The following MECOM variants were observed in gnomAD, a reference collection of about 807,000 sequenced individuals.
MECOM encodes MDS1 and EVI1 complex locus.
In MECOM, 13 loss-of-function variants were observed where a neutral mutation model predicts 116.3. The ratio of observed to expected loss-of-function variants is 0.11; its 90% CI spans 0.07 to 0.18. MECOM has a LOEUF of 0.18. Among genes scored for constraint, MECOM ranks in the 10% least tolerant of loss-of-function variants. MECOM has a pLI of 1.00. For synonymous variants in MECOM, 528 were observed against 535.2 expected (o/e 0.99, Z 0.19); for missense variants, 1,299 against 1,509.0 (o/e 0.86, Z 2.31).
chr3:169,253,777 A>G (rs1406000964), intron 2 of MECOM, among the ~76,000 whole-genome samples: 1 of 152,162 alleles, frequency 6.6e-6, no homozygotes, highest in Non-Finnish European at 1.5e-5. Context: ...AAATGCATTT[A>G]GAAAAGGAAC....
chr3:169,423,254 G>A (rs755432435), intron 1 of MECOM, among the ~76,000 whole-genome samples: 1 of 152,004 alleles, frequency 6.6e-6, no homozygotes, highest in Non-Finnish European at 1.5e-5. Flanking sequence ...GTTTCTCAAA[G>A]GAAGATTTCA....
intron 2 of MECOM, among the ~76,000 whole-genome samples, chr3:169,377,171 AT>A (rs1731181479): frequency 6.6e-6 from 1 of 152,206 alleles, no homozygotes; most frequent in Admixed American, 6.5e-5. Context: ...CTATACAAAA[AT>A]TAACTCAAGA....
intron 1 of MECOM, among the ~76,000 whole-genome samples, chr3:169,413,180 G>T (rs1009664916): frequency 6.6e-6 from 1 of 152,210 alleles, no homozygotes; most frequent in Non-Finnish European, 1.5e-5. Context: ...GGACTGGTTA[G>T]ACAGTGGTTG....
intron 2 of MECOM, among the ~76,000 whole-genome samples, chr3:169,380,140 AT>A (rs1411421671): frequency 2.0e-5 from 3 of 152,172 alleles, no homozygotes; most frequent in Non-Finnish European, 2.9e-5. Flanking sequence ...CTGAATATTC[AT>A]TTCTATTTAA....
intron 1 of MECOM, among the ~76,000 whole-genome samples, chr3:169,622,791 A>G (rs1237466744): frequency 6.6e-6 from 1 of 152,238 alleles, no homozygotes; most frequent in Non-Finnish European, 1.5e-5. Flanking sequence ...GAACTCTCAG[A>G]TAGTATAATA....
chr3:169,329,143 T>G (rs1387496893), intron 2 of MECOM, among the ~76,000 whole-genome samples: 1 of 152,190 alleles, frequency 6.6e-6, no homozygotes, highest in Non-Finnish European at 1.5e-5. Context: ...ACAAACACAT[T>G]TCTCTTTTTT....
chr3:169,189,444 C>T (rs1199999686), intron 2 of MECOM, among the ~76,000 whole-genome samples: 2 of 151,990 alleles, frequency 1.3e-5, no homozygotes, highest in African/African-American at 4.8e-5. Flanking sequence ...TAGCTTTGAA[C>T]CTAGGGTCAT....
intron 1 of MECOM, among the ~76,000 whole-genome samples, chr3:169,623,734 C>T (rs1771022437): frequency 6.6e-6 from 1 of 151,930 alleles, no homozygotes; most frequent in African/African-American, 2.4e-5. Flanking sequence ...TAAAAAAAAT[C>T]ATCTAGGAAC....
At chr3:169,372,507 G>T (rs1399655016) in intron 2 of MECOM, among the ~76,000 whole-genome samples, 2 of 151,982 alleles carry the variant, frequency 1.3e-5, no homozygotes, top group Admixed American at 1.3e-4. Context: ...TTAGAAAACG[G>T]TCAGTGCTTC....
chr3:169,084,927 C>A lies in MECOM; in HGVS notation c.3702G>T (p.Gln1234His). 1 of 1,614,042 alleles carries A rather than the reference C, an allele frequency of 6.2e-7. No homozygotes were observed. The highest frequency in any genetic ancestry group is 8.5e-7 in the Non-Finnish European group (1 of 1,179,978). The part of the protein sequence containing the change: ...ARAAAESSAI[Q>H]SISHV ...GATAACGTCATACGTGGCTTATGGA[C>A]TGGATAGCACTGGATTCCGCCGCAG... The change falls in exon 17 of 17, where the codon CAG becomes CAT. Residue 1234 changes from glutamine (Q) to histidine (H), a missense_variant. By Grantham distance (24) the Gln-to-His change is conservative. This residue lies in a region of MECOM where 273 missense variants were observed against 289.3 expected (regional missense o/e 0.94). Transcript: ENST00000651503.
At chr3:169,617,470 G>A (rs1228863405) in intron 1 of MECOM, among the ~76,000 whole-genome samples, 3 of 152,164 alleles carry the variant, frequency 2.0e-5, no homozygotes, top group Non-Finnish European at 4.4e-5. Flanking sequence ...CTGGTCCATA[G>A]ACTATACTTT....
intron 2 of MECOM, among the ~76,000 whole-genome samples, chr3:169,351,077 A>G (rs1316752501): frequency 6.6e-6 from 1 of 151,910 alleles, no homozygotes; most frequent in Admixed American, 6.6e-5. Flanking sequence ...CCTGAACACC[A>G]GAATTATTCA....
intron 2 of MECOM, among the ~76,000 whole-genome samples, chr3:169,294,817 C>T (rs1715288501): frequency 6.6e-6 from 1 of 152,090 alleles, no homozygotes; most frequent in Admixed American, 6.5e-5. Context: ...TGACTGTGCC[C>T]AAACAGAGCT....
chr3:169,563,594 C>A (rs763649781), intron 1 of MECOM, among the ~76,000 whole-genome samples: 2 of 152,122 alleles, frequency 1.3e-5, no homozygotes, highest in African/African-American at 2.4e-5. Context: ...GATTGACCCT[C>A]CTCCTTCCTG....
At chr3:169,372,113 G>A (rs1730238415) in intron 2 of MECOM, among the ~76,000 whole-genome samples, 1 of 151,936 alleles carries the variant, frequency 6.6e-6, no homozygotes, top group Admixed American at 6.6e-5. Flanking sequence ...ATTTAACACA[G>A]CATAAGAGAT....
intron 2 of MECOM, among the ~76,000 whole-genome samples, chr3:169,257,467 C>T (rs1291657836): frequency 6.6e-6 from 1 of 152,186 alleles, no homozygotes; most frequent in Non-Finnish European, 1.5e-5. Context: ...CCTGTTACCA[C>T]TCTATATTTA....
At chr3:169,326,082 A>C (rs976949016) in intron 2 of MECOM, among the ~76,000 whole-genome samples, 2 of 152,206 alleles carry the variant, frequency 1.3e-5, no homozygotes, top group African/African-American at 4.8e-5. Flanking sequence ...TGGAACACAG[A>C]GAAAGAGGAG....
At chr3:169,244,194 C>A (rs970900956) in intron 2 of MECOM, among the ~76,000 whole-genome samples, 1 of 152,212 alleles carries the variant, frequency 6.6e-6, no homozygotes, top group African/African-American at 2.4e-5. Context: ...TTAAAATCTA[C>A]CTAAAACATT....
intron 1 of MECOM, among the ~76,000 whole-genome samples, chr3:169,604,924 C>T (rs1471602462): frequency 6.6e-6 from 1 of 152,190 alleles, no homozygotes; most frequent in Non-Finnish European, 1.5e-5. Flanking sequence ...TCTTCATACC[C>T]ATCGCAGCAT....
Sources: allele counts gnomAD v4.1 joint callset (sites outside exome capture counted in the v4.1 genomes callset), GRCh38; gene constraint gnomAD v4.1.1; regional missense constraint gnomAD v4.1.1; transcripts MANE v1.5; gene names NCBI Gene and HGNC (gene_info 2026-07-23, HGNC 2026-07-21).